The following IKZF3 variants were observed in gnomAD, a reference collection of about 807,000 sequenced individuals.
The protein encoded by IKZF3 is zinc finger protein Aiolos.
A neutral mutation model predicts 49.0 loss-of-function variants in IKZF3; 10 were observed. The ratio of observed to expected loss-of-function variants is 0.20; its 90% CI spans 0.13 to 0.35. The LOEUF (loss-of-function observed/expected upper bound fraction) is 0.35. Ranked by LOEUF, IKZF3 falls within the 10% of genes least tolerant of loss-of-function variation. The pLI, the probability that IKZF3 is intolerant of heterozygous loss-of-function variation, is 1.00. For synonymous variants in IKZF3, 209 were observed against 228.2 expected, an observed-to-expected ratio of 0.92 and a Z score of 0.76; for missense variants, 498 against 664.8, an observed-to-expected ratio of 0.75 and a Z score of 2.76.
intron 3 of IKZF3, among the ~76,000 whole-genome samples, chr17:39,812,136 C>T (rs1413466036): frequency 6.6e-6 from 1 of 152,186 alleles, no homozygotes; most frequent in East Asian, 1.9e-4. Context: ...AAACCACCTA[C>T]TATATTTCAT....
chr17:39,813,407 A>T (rs970538712), intron 3 of IKZF3, among the ~76,000 whole-genome samples: 1 of 151,980 alleles, frequency 6.6e-6, no homozygotes, highest in African/African-American at 2.4e-5. Context: ...CACTTTGGGA[A>T]GCCAAGGCAG....
chr17:39,775,425 A>G (rs893684251), intron 7 of IKZF3, among the ~76,000 whole-genome samples: 5 of 152,228 alleles, frequency 3.3e-5, no homozygotes, highest in African/African-American at 1.2e-4. Context: ...CAAACGAAAT[A>G]GATCCCCGAG....
intron 4 of IKZF3, 121 bp downstream of exon 4, chr17:39,792,552 T>G: frequency 1.0e-6 from 1 of 977,460 alleles, no homozygotes. Flanking sequence ...GAGAGAGAGA[T>G]ACATCAGCAT....
rs2061059287 is a variant in IKZF3 at position 39,792,809 on chromosome 17, A to G, written c.288T>C (p.Tyr96=). Residue 96 remains tyrosine, a synonymous_variant, in exon 4 of 8, where the codon TAT becomes TAC. Transcript: ENST00000346872. ...PYSYSREYNE[Y]ENIKLERHVV... Reference sequence around the variant, plus strand: ...CATGTCTCTCCAACTTAATGTTTTCATATTCATTATATTCTCTTGAATAGC... The same window carrying G: ...CATGTCTCTCCAACTTAATGTTTTCGTATTCATTATATTCTCTTGAATAGC... 6.2e-7 allele frequency: 1 copy of G among 1,614,190 alleles called. No individual in the cohort carries two copies. The highest frequency in any genetic ancestry group is 8.5e-7 in the Non-Finnish European group (1 of 1,180,020).
chr17:39,820,391 C>T (rs779187212), intron 3 of IKZF3, among the ~76,000 whole-genome samples: 9 of 152,132 alleles, frequency 5.9e-5, no homozygotes, highest in Admixed American at 3.3e-4. Flanking sequence ...ATGCTCAAAA[C>T]TCACAAAAAA....
At chr17:39,853,781 G>A (rs1157758470) in intron 1 of IKZF3, among the ~76,000 whole-genome samples, 1 of 150,106 alleles carries the variant, frequency 6.7e-6, no homozygotes, top group Non-Finnish European at 1.5e-5. Context: ...GTTGTAGTGA[G>A]CCAAGATCGC....
Position 39,760,816 on chromosome 17 carries a change from G to A in IKZF3, c.*4974C>T, listed in dbSNP as rs1354648879. Reference sequence around the variant, plus strand: ...GATAGTAACACAGTGTTTCACCTGAGCAAAATTTTGTGTTTTTAAACATTT... The same window carrying A: ...GATAGTAACACAGTGTTTCACCTGAACAAAATTTTGTGTTTTTAAACATTT... On this transcript the variant is annotated 3_prime_UTR_variant, in exon 8 of 8. Transcript: ENST00000346872. 2 of 152,234 alleles carry A rather than the reference G, an allele frequency of 1.3e-5. No individual in the cohort carries two copies. The highest frequency in any genetic ancestry group is 4.8e-5 in the African/African-American group (2 of 41,470). 9.4% of individuals were successfully genotyped at this position (152,234 alleles called of 1,614,324 possible).
At chr17:39,800,840 C>T (rs1333263233) in intron 3 of IKZF3, among the ~76,000 whole-genome samples, 1 of 152,186 alleles carries the variant, frequency 6.6e-6, no homozygotes, top group Admixed American at 6.5e-5. Context: ...AAGGATCCAA[C>T]ATCTAAATCC....
intron 1 of IKZF3, among the ~76,000 whole-genome samples, chr17:39,841,369 G>A (rs774463092): frequency 2.5e-4 from 38 of 152,110 alleles, no homozygotes; most frequent in Non-Finnish European, 4.1e-4. Context: ...ATGGAATGAG[G>A]AGAACTTCAA....
chr17:39,804,557 T>C (rs540947543), intron 3 of IKZF3, among the ~76,000 whole-genome samples: 1 of 152,152 alleles, frequency 6.6e-6, no homozygotes, highest in Non-Finnish European at 1.5e-5. Context: ...TAGATCACAA[T>C]AGACCCCTAA....
chr17:39,810,928 GTTCTT>G (rs1399375811), intron 3 of IKZF3, among the ~76,000 whole-genome samples: 5 of 152,150 alleles, frequency 3.3e-5, no homozygotes, highest in South Asian at 2.1e-4. Flanking sequence ...GGTGAGAAAT[GTTCTT>G]TTCTTTTATA....
intron 3 of IKZF3, among the ~76,000 whole-genome samples, chr17:39,815,994 G>A (rs572846097): frequency 6.6e-6 from 1 of 152,240 alleles, no homozygotes; most frequent in South Asian, 2.1e-4. Context: ...GTTTAAATAA[G>A]TACTAACTAA....
intron 5 of IKZF3, among the ~76,000 whole-genome samples, chr17:39,789,160 T>G (rs1234364464): frequency 6.6e-6 from 1 of 152,140 alleles, no homozygotes; most frequent in East Asian, 1.9e-4. Flanking sequence ...CCGGGCGCAG[T>G]GGCTGACACC....
chr17:39,855,894 C>T (rs2144560564), intron 1 of IKZF3, among the ~76,000 whole-genome samples: 1 of 151,878 alleles, frequency 6.6e-6, no homozygotes, highest in Non-Finnish European at 1.5e-5. Flanking sequence ...AATGCCCCAA[C>T]TTTATTATAA....
intron 5 of IKZF3, among the ~76,000 whole-genome samples, chr17:39,789,623 G>A (rs1334906477): frequency 6.6e-6 from 1 of 152,054 alleles, no homozygotes; most frequent in African/African-American, 2.4e-5. Context: ...AGCTACTAGG[G>A]AGGCTGAGGC....
At chr17:39,863,623 G>A (rs1029534901) in intron 1 of IKZF3, among the ~76,000 whole-genome samples, 2 of 152,040 alleles carry the variant, frequency 1.3e-5, no homozygotes, top group Non-Finnish European at 2.9e-5. Context: ...TTTTGCGCTG[G>A]GTAAAGAAGA....
chr17:39,828,213 G>A (rs186044495), intron 3 of IKZF3, among the ~76,000 whole-genome samples: 15 of 152,310 alleles, frequency 9.8e-5, no homozygotes, highest in Admixed American at 9.1e-4. Flanking sequence ...TGATGAGGCA[G>A]GCTGTGCCTT....
At chr17:39,849,614 T>G (rs1258258871) in intron 1 of IKZF3, among the ~76,000 whole-genome samples, 1 of 151,900 alleles carries the variant, frequency 6.6e-6, no homozygotes, top group Non-Finnish European at 1.5e-5. Flanking sequence ...ATTGCACCAC[T>G]GAACTTCAAC....
intron 1 of IKZF3, 145 bp from the exon 2 acceptor site, chr17:39,832,296 C>G: frequency 1.8e-6 from 1 of 554,750 alleles, no homozygotes; most frequent in Non-Finnish European, 3.2e-6. Context: ...TCTCTATATT[C>G]TCCCTAAAAG....
Sources: allele counts gnomAD v4.1 joint callset (sites outside exome capture counted in the v4.1 genomes callset), GRCh38; gene constraint gnomAD v4.1.1; transcripts MANE v1.5; gene names NCBI Gene and HGNC (gene_info 2026-07-23, HGNC 2026-07-21).